KNOP1: variants seen among roughly 807,000 people sequenced by gnomAD.
The protein encoded by KNOP1 is lysine-rich nucleolar protein 1.
KNOP1 carries 20 observed loss-of-function variants against 30.6 expected under a neutral mutation model. The observed-to-expected ratio is 0.65, with a 90% CI of 0.46 to 0.95. KNOP1 has a LOEUF of 0.95. Among genes scored for constraint, KNOP1 ranks in the 40% least tolerant of loss-of-function variants. The probability of loss-of-function intolerance (pLI) is 0.00; values close to 1 mark genes in which losing one functional copy is unlikely to be tolerated. For missense variants in KNOP1, 540 were observed against 562.0 expected (o/e 0.96, Z 0.40); for synonymous variants, 204 against 210.0 (o/e 0.97, Z 0.25).
In KNOP1 at chr16:19,714,835, C is replaced by A; in HGVS notation, c.201G>T (p.Lys67Asn). The A allele has an allele frequency of 6.2e-7, 1 of 1,613,660 alleles. No homozygotes were observed. The highest frequency in any genetic ancestry group is 8.5e-7 in the Non-Finnish European group (1 of 1,179,854). ...QAPEMPLVKK[K>N]KKKKKGVSTL... ...TGCTGACACCCTTCTTTTTCTTCTTCTTTTTCTTCACTAGAGGCATCTCAG... is the reference window on the plus strand; with the variant it reads ...TGCTGACACCCTTCTTTTTCTTCTTATTTTTCTTCACTAGAGGCATCTCAG... Residue 67 changes from lysine (K) to asparagine (N), a missense_variant, in exon 2 of 5, where the codon AAG (lysine) becomes AAT (asparagine). Physicochemically the swap from Lys to Asn is moderately conservative, Grantham distance 94 (BLOSUM62 0). Transcript: ENST00000219837.
intron 2 of KNOP1, chr16:19,711,666 A>G: frequency 1.8e-6 from 1 of 561,200 alleles, no homozygotes; most frequent in Non-Finnish European, 3.2e-6. Flanking sequence ...TGACGGATGA[A>G]GAAACTGAGA....
chr16:19,716,509 T>C (rs1004566771), intron 1 of KNOP1: 2 of 152,082 alleles, frequency 1.3e-5, no homozygotes, highest in African/African-American at 2.4e-5. Flanking sequence ...ACAGGCTTGA[T>C]TGGACAGATG....
At chr16:19,709,773 G>A (rs556096991) in intron 4 of KNOP1, among the ~76,000 whole-genome samples, 2 of 152,170 alleles carry the variant, frequency 1.3e-5, no homozygotes, top group East Asian at 3.9e-4. Flanking sequence ...CCCAGCCCTC[G>A]CCCATCTGTT....
At chr16:19,713,760 G>GC (rs1567517370) in intron 2 of KNOP1, among the ~76,000 whole-genome samples, 1 of 152,166 alleles carries the variant, frequency 6.6e-6, no homozygotes, top group African/African-American at 2.4e-5. Context: ...GTTTTGGATA[G>GC]CAAGTGGCAA....
In KNOP1 at chr16:19,702,694, A is replaced by G. The variant is rs2151637233; in HGVS notation, c.*4216T>C. ...AATAAGATGTCAGCCAGAATTGTAG[A>G]AAATAAAAATGATGGGGCCTGGGTG... On this transcript the variant is annotated 3_prime_UTR_variant, in exon 5 of 5. Coordinates refer to ENST00000219837, the MANE Select transcript of KNOP1 (RefSeq NM_001012991.3). The G allele has an allele frequency of 6.6e-6, 1 of 152,262 alleles. No individual in the cohort carries two copies. Among genetic ancestry groups the G allele is most frequent in the South Asian group, 2.1e-4 (1 of 4,816 alleles). 9.4% of individuals were successfully genotyped at this position (152,262 alleles called of 1,614,324 possible). A position where few individuals can be genotyped will look rare whatever the true frequency, so the allele number is the denominator to read the frequency against.
At chr16:19,717,016 T>A (rs1977155494) in intron 1 of KNOP1, among the ~76,000 whole-genome samples, 1 of 151,496 alleles carries the variant, frequency 6.6e-6, no homozygotes, top group Non-Finnish European at 1.5e-5. Flanking sequence ...CTAATTTTTG[T>A]ATTTTTAGTA....
At chr16:19,712,150 G>A (rs1049267170) in intron 2 of KNOP1, 8 of 152,354 alleles carry the variant, frequency 5.3e-5, no homozygotes, top group African/African-American at 1.7e-4. Flanking sequence ...CTGAGCTCCT[G>A]GGAGAAGGGA....
rs1233065919 is a variant in KNOP1 at position 19,704,079 on chromosome 16, AGTTT to A, written c.*2827_*2830del. The A allele has an allele frequency of 2.0e-5, 3 of 152,036 alleles. No homozygotes were observed. The highest frequency in any genetic ancestry group is 4.4e-5 in the Non-Finnish European group (3 of 68,050). 9.4% of individuals were successfully genotyped at this position (152,036 alleles called of 1,614,324 possible). On this transcript the variant is annotated 3_prime_UTR_variant, in exon 5 of 5. Coordinates refer to ENST00000219837, the MANE Select transcript of KNOP1 (RefSeq NM_001012991.3). ...CACCTCTCCACAATCACCCAAAGAC[AGTTT>A]TTTTTTGTTTGTTTTTGAGACAGAG...
rs201558781 is a variant in KNOP1 at position 19,714,695 on chromosome 16, T to C, written c.341A>G (p.Lys114Arg). The change falls in exon 2 of 5, where the codon AAG (lysine) becomes AGG (arginine). Residue 114 changes from lysine to arginine, a missense_variant. Physicochemically the swap from Lys to Arg is conservative, Grantham distance 26 (BLOSUM62 2). Transcript: ENST00000219837. The part of the protein sequence containing the change: ...FGHLEFLSGE[K>R]KNKKSPLAMS... ...GGCTAGAGGTGACTTCTTATTTTTC[T>C]TTTCCCCACTGAGGAACTCCAAGTG... The C allele has an allele frequency of 1.2e-6, 2 of 1,614,170 alleles. No homozygotes were observed. Among genetic ancestry groups the C allele is most frequent in the East Asian group, 4.5e-5 (2 of 44,884 alleles).
intron 2 of KNOP1, among the ~76,000 whole-genome samples, chr16:19,713,600 T>A (rs115209900): frequency 3.3e-5 from 5 of 151,992 alleles, no homozygotes; most frequent in Admixed American, 2.0e-4. Context: ...TAAACCAAGA[T>A]AGAAAAATAC....
At chr16:19,713,030 C>T (rs575734654) in intron 2 of KNOP1, among the ~76,000 whole-genome samples, 67 of 152,276 alleles carry the variant, frequency 4.4e-4, no homozygotes, top group African/African-American at 1.5e-3. Flanking sequence ...GTTTTCCTCT[C>T]AGAAACTGCC....
intron 1 of KNOP1, chr16:19,717,776 A>C: frequency 1.0e-6 from 1 of 996,984 alleles, no homozygotes; most frequent in Non-Finnish European, 1.2e-6. Flanking sequence ...CTAGGTTCCA[A>C]AGCCAGCAAG....
chr16:19,704,034 C>CTGTT lies in KNOP1; in HGVS notation c.*2875_*2876insAACA, dbSNP rs1976263499. 1 of 152,312 alleles carries CTGTT rather than the reference C, an allele frequency of 6.6e-6. No homozygotes were observed. Among genetic ancestry groups the CTGTT allele is most frequent in the African/African-American group, 2.4e-5 (1 of 41,412 alleles). The allele number at this position is 152,312 out of a possible 1,614,324, so 9.4% of individuals were successfully genotyped here. On this transcript the variant is annotated 3_prime_UTR_variant, in exon 5 of 5. Coordinates refer to ENST00000219837, the MANE Select transcript of KNOP1 (RefSeq NM_001012991.3). ...CCAGTCACCAGGGCTTGGATGGGAG[C>CTGTT]AACACAGCGGACATATGATCACCTC...
chr16:19,713,127 G>A (rs1235340860), intron 2 of KNOP1, among the ~76,000 whole-genome samples: 3 of 151,054 alleles, frequency 2.0e-5, no homozygotes, highest in African/African-American at 4.9e-5. Context: ...AGACAGTCCC[G>A]CTCTGTCACC....
chr16:19,717,692 CAGGGACAGCCTTGTG>C, intron 1 of KNOP1: 3 of 986,284 alleles, frequency 3.0e-6, no homozygotes, highest in Non-Finnish European at 3.6e-6. Flanking sequence ...TTTTAAATTC[CAGGGACAGCCTTGTG>C]AAGATCTTTG....
rs767578233 is a variant in KNOP1, at chr16:19,706,944, CT to C, written c.1342del (p.Arg448GlyfsTer14). ...CAGCTTGACTGACTTGGAAGCGTTC[CT>C]GTCAATGTAAAAGATCTTGTTGGGG... Reference protein sequence around the residue: ...TAPNKIFYIDRNASKSVKLED With the variant: ...TAPNKIFYIDXNASKSVKLED On this transcript the variant is annotated frameshift_variant, in exon 5 of 5. Transcript: ENST00000219837. LOFTEE classifies it high-confidence loss of function. 5.5e-5 allele frequency: 88 copies of C among 1,612,946 alleles called. No homozygotes were observed. The highest frequency in any genetic ancestry group is 7.3e-5 in the Non-Finnish European group (86 of 1,180,040).
intron 2 of KNOP1, chr16:19,711,891 C>T (rs539393877): frequency 1.7e-5 from 3 of 177,830 alleles, no homozygotes; most frequent in South Asian, 3.0e-4. Context: ...CACCCTCCAA[C>T]AGCGAGACCT....
intron 3 of KNOP1, among the ~76,000 whole-genome samples, chr16:19,711,031 C>T (rs1976690684): frequency 6.6e-6 from 1 of 152,164 alleles, no homozygotes; most frequent in Non-Finnish European, 1.5e-5. Context: ...AAAACTTCTC[C>T]TCTAAATGCT....
At chr16:19,710,275 G>A in intron 4 of KNOP1, 1 of 588,760 alleles carries the variant, frequency 1.7e-6, no homozygotes, top group Non-Finnish European at 3.0e-6. Context: ...CAAAGGTTCA[G>A]GCAGCTTATC....
Sources: allele counts gnomAD v4.1 joint callset (sites outside exome capture counted in the v4.1 genomes callset), GRCh38; gene constraint gnomAD v4.1.1; transcripts MANE v1.5; gene names NCBI Gene and HGNC (gene_info 2026-07-23, HGNC 2026-07-21).